Variants in LRBA observed in about 807,000 individuals in gnomAD.
The protein encoded by LRBA is LPS responsive beige-like anchor protein.
Under a neutral mutation model 330.0 loss-of-function variants are expected in LRBA, and 176 were observed. The ratio of observed to expected loss-of-function variants is 0.53; its 90% confidence interval spans 0.47 to 0.60. The LOEUF is 0.60. LRBA is among the 20% of genes least tolerant of loss of function. The probability of loss-of-function intolerance (pLI) is 0.00; values close to 1 mark genes in which losing one functional copy is unlikely to be tolerated. For missense variants in LRBA, 3,259 were observed against 3,444.8 expected (o/e 0.95, Z 1.35); for synonymous variants, 1,230 against 1,193.0 (o/e 1.03, Z -0.64).
chr4:150,945,042 T>C (rs898087993), intron 2 of LRBA, among the ~76,000 whole-genome samples: 2 of 152,210 alleles, frequency 1.3e-5, no homozygotes, highest in African/African-American at 4.8e-5. Flanking sequence ...CCATTAAAAC[T>C]CACTTTCTTT....
intron 37 of LRBA, among the ~76,000 whole-genome samples, chr4:150,634,882 T>C (rs764240738): frequency 6.6e-6 from 1 of 152,006 alleles, no homozygotes; most frequent in South Asian, 2.1e-4. Context: ...CTCTAGAGGG[T>C]GGATCCCTGC....
intron 47 of LRBA, among the ~76,000 whole-genome samples, chr4:150,375,697 G>A (rs1003166089): frequency 2.0e-5 from 3 of 150,582 alleles, no homozygotes; most frequent in Admixed American, 1.3e-4. Context: ...CTCGTGATCC[G>A]CTTTGGCCTC....
chr4:150,802,665 C>A (rs1741837670), intron 33 of LRBA, among the ~76,000 whole-genome samples: 1 of 152,080 alleles, frequency 6.6e-6, no homozygotes, highest in African/African-American at 2.4e-5. Context: ...TGATTCCAGG[C>A]ATGATGTAAT....
At chr4:151,007,436 C>T (rs1009892549) in intron 2 of LRBA, among the ~76,000 whole-genome samples, 2 of 148,546 alleles carry the variant, frequency 1.3e-5, no homozygotes, top group African/African-American at 5.0e-5. Flanking sequence ...ACCCGGGAGG[C>T]GGAGCTTTCA....
At chr4:150,761,928 T>C (rs970685092) in intron 34 of LRBA, 81 bp from the exon 35 acceptor site, 15 of 735,596 alleles carry the variant, frequency 2.0e-5, no homozygotes, top group Non-Finnish European at 3.2e-5. Flanking sequence ...ATGAAAAATA[T>C]CACCCATATC....
chr4:150,425,043 T>C (rs948354591), intron 46 of LRBA, among the ~76,000 whole-genome samples: 3 of 152,338 alleles, frequency 2.0e-5, no homozygotes, highest in African/African-American at 7.2e-5. Context: ...GACAATGGCA[T>C]TTAAGTTATA....
intron 35 of LRBA, among the ~76,000 whole-genome samples, chr4:150,761,210 C>G (rs1412109407): frequency 6.6e-6 from 1 of 152,034 alleles, no homozygotes; most frequent in African/African-American, 2.4e-5. Context: ...AATGATTTCA[C>G]TCTTTTACAT....
chr4:150,968,461 C>G (rs540278242), intron 2 of LRBA, among the ~76,000 whole-genome samples: 7 of 152,188 alleles, frequency 4.6e-5, no homozygotes, highest in Non-Finnish European at 1.0e-4. Context: ...AGCAAAACAG[C>G]TTCATGGCTG....
At chr4:150,877,294 A>G (rs987597907) in intron 17 of LRBA, among the ~76,000 whole-genome samples, 8 of 151,896 alleles carry the variant, frequency 5.3e-5, no homozygotes, top group Non-Finnish European at 1.0e-4. Context: ...TATTTCACAT[A>G]TAACACCACT....
At chr4:150,387,356 T>C (rs1269840264) in intron 47 of LRBA, among the ~76,000 whole-genome samples, 1 of 152,180 alleles carries the variant, frequency 6.6e-6, no homozygotes, top group Non-Finnish European at 1.5e-5. Context: ...ATGAGAGTTC[T>C]TGTTTTAAAT....
chr4:150,830,060 C>G (rs1487209235), intron 29 of LRBA, among the ~76,000 whole-genome samples: 1 of 152,182 alleles, frequency 6.6e-6, no homozygotes, highest in Admixed American at 6.5e-5. Context: ...TAATCCAACC[C>G]ACCATAACCT....
intron 30 of LRBA, among the ~76,000 whole-genome samples, chr4:150,819,422 A>G (rs294534): frequency 0.019 from 2,853 of 150,924 alleles, 89 homozygotes; most frequent in African/African-American, 0.066. Flanking sequence ...TTTTAGCTCA[A>G]AAAAAAAAAC....
chr4:150,810,461 C>G (rs1017703458), intron 31 of LRBA, among the ~76,000 whole-genome samples: 7 of 152,106 alleles, frequency 4.6e-5, no homozygotes, highest in Non-Finnish European at 1.0e-4. Flanking sequence ...GTATTGCTTA[C>G]AGTCCTGCCT....
intron 43 of LRBA, among the ~76,000 whole-genome samples, chr4:150,471,252 C>T (rs1756095030): frequency 6.6e-6 from 1 of 152,052 alleles, no homozygotes; most frequent in Admixed American, 6.6e-5. Flanking sequence ...TCTAACATTC[C>T]AACCACCTCC....
At chr4:150,898,826 T>C (rs1730406555) in intron 14 of LRBA, among the ~76,000 whole-genome samples, 1 of 152,072 alleles carries the variant, frequency 6.6e-6, no homozygotes, top group Non-Finnish European at 1.5e-5. Flanking sequence ...CATGAGAAAA[T>C]TCTGACCCGG....
intron 22 of LRBA, among the ~76,000 whole-genome samples, chr4:150,859,569 C>T (rs1751647079): frequency 6.6e-6 from 1 of 152,098 alleles, no homozygotes; most frequent in South Asian, 2.1e-4. Flanking sequence ...TCAAAGTAAC[C>T]AACATAGTGC....
At chr4:150,661,964 C>T (rs1184183792) in intron 37 of LRBA, among the ~76,000 whole-genome samples, 1 of 151,910 alleles carries the variant, frequency 6.6e-6, no homozygotes, top group African/African-American at 2.4e-5. Flanking sequence ...CCACATGATT[C>T]CTATTACCAT....
chr4:150,537,480 T>C (rs966080548), intron 40 of LRBA, among the ~76,000 whole-genome samples: 1 of 152,154 alleles, frequency 6.6e-6, no homozygotes, highest in African/African-American at 2.4e-5. Context: ...AAAATGACAA[T>C]TGAGATCTAA....
At chr4:150,629,413 T>G (rs1163447270) in intron 37 of LRBA, among the ~76,000 whole-genome samples, 1 of 151,824 alleles carries the variant, frequency 6.6e-6, no homozygotes, top group African/African-American at 2.4e-5. Flanking sequence ...CCAAAGCAGG[T>G]GGATCACTTG....
Sources: allele counts gnomAD v4.1 joint callset (sites outside exome capture counted in the v4.1 genomes callset), GRCh38; gene constraint gnomAD v4.1.1; transcripts MANE v1.5; gene names NCBI Gene and HGNC (gene_info 2026-07-23, HGNC 2026-07-21).